The following UBA5 variants were observed in gnomAD, a reference collection of about 807,000 sequenced individuals.
UBA5 encodes the protein ubiquitin-like modifier-activating enzyme 5.
A neutral mutation model predicts 52.9 loss-of-function variants in UBA5; 28 were observed. The observed-to-expected ratio is 0.53, with a 90% CI of 0.39 to 0.73. UBA5 has a LOEUF of 0.73. Among genes scored for constraint, UBA5 ranks in the 30% least tolerant of loss-of-function variants. The pLI is 0.00. For synonymous variants in UBA5, 135 were observed against 162.1 expected, an observed-to-expected ratio of 0.83 and a Z score of 1.27; for missense variants, 388 against 492.7, an observed-to-expected ratio of 0.79 and a Z score of 2.01.
At chr3:132,655,984 A>G (rs1937771157), upstream of UBA5, among the ~76,000 whole-genome samples, 1 of 152,234 alleles carries the variant, frequency 6.6e-6, no homozygotes, top group Non-Finnish European at 1.5e-5. Context: ...GTAATGCCAC[A>G]AACACCATTT....
At chr3:132,665,720 T>C (rs1938348932) in intron 1 of UBA5, 103 bp from the exon 2 acceptor site, 4 of 1,142,844 alleles carry the variant, frequency 3.5e-6, no homozygotes, top group Non-Finnish European at 5.1e-6. Flanking sequence ...CGATTAGTAA[T>C]GATTATATTT....
At chr3:132,665,519 A>C (rs1049288969) in intron 1 of UBA5, among the ~76,000 whole-genome samples, 4 of 152,116 alleles carry the variant, frequency 2.6e-5, no homozygotes, top group African/African-American at 9.6e-5. Flanking sequence ...AGCATAGAAA[A>C]ATGTTGAAAT....
chr3:132,661,046 A>G, intron 1 of UBA5: 1 of 1,353,200 alleles, frequency 7.4e-7, no homozygotes, highest in Non-Finnish European at 9.7e-7. Context: ...TAAACCTGCT[A>G]AGGTAAACTT....
upstream of UBA5, chr3:132,659,620 C>G: frequency 6.2e-7 from 1 of 1,610,088 alleles, no homozygotes; most frequent in Non-Finnish European, 8.5e-7. Flanking sequence ...GGGCAATGGT[C>G]AGCGTAGCCT....
At chr3:132,669,362 G>A (rs1938509066) in intron 4 of UBA5, among the ~76,000 whole-genome samples, 1 of 152,052 alleles carries the variant, frequency 6.6e-6, no homozygotes, top group Non-Finnish European at 1.5e-5. Context: ...CGCCTCCCGG[G>A]CTCAAGCTAT....
chr3:132,676,480 C>T lies in UBA5; in HGVS notation c.1169C>T (p.Ser390Phe), dbSNP rs747510113. 1.2e-6 allele frequency: 2 copies of T among 1,611,040 alleles called. No individual in the cohort carries two copies. The highest frequency in any genetic ancestry group is 8.5e-7 in the Non-Finnish European group (1 of 1,178,902). Residue 390 changes from serine to phenylalanine, a missense_variant, in exon 12 of 12, where the codon TCT (serine) becomes TTT (phenylalanine). Ser to Phe is a radical substitution (Grantham distance 155, BLOSUM62 -2). Coordinates refer to ENST00000356232, the MANE Select transcript of UBA5 (RefSeq NM_024818.6). The surrounding 1 kb of genome is among the most constrained non-coding windows in gnomAD (Gnocchi z 4.1). The part of the protein sequence containing the change: ...DSVTELTVED[S>F]GESLEDLMAK... Reference sequence around the variant, plus strand: ...GTCACTGAGTTAACAGTGGAAGATTCTGGTGAAAGCTTGGAAGACCTCATG... The same window carrying T: ...GTCACTGAGTTAACAGTGGAAGATTTTGGTGAAAGCTTGGAAGACCTCATG...
Position 132,675,372 on chromosome 3 carries a change from G to C in UBA5, c.937G>C (p.Glu313Gln). ...CDDRNCRKQQ[E>Q]EYKKKVAALP... is the part of the protein sequence containing the mutation. ...TGACAGAAATTGCAGGAAGCAGCAGGAGGAATATAAGGTATATGACAATCT... is the reference window on the plus strand; with the variant it reads ...TGACAGAAATTGCAGGAAGCAGCAGCAGGAATATAAGGTATATGACAATCT... Residue 313 changes from glutamate (E) to glutamine (Q), a missense_variant, in exon 9 of 12, where the codon GAG (glutamate) becomes CAG (glutamine). Glu to Gln is a conservative substitution (Grantham distance 29). This residue lies in a region of UBA5 where 277 missense variants were observed against 326.4 expected (regional missense o/e 0.85). Coordinates refer to ENST00000356232, the MANE Select transcript of UBA5 (RefSeq NM_024818.6). 6.2e-7 allele frequency: 1 copy of C among 1,613,554 alleles called. No homozygotes were observed. Among genetic ancestry groups the C allele is most frequent in the Non-Finnish European group, 8.5e-7 (1 of 1,179,734 alleles).
chr3:132,666,106 G>GA (rs781676124), intron 3 of UBA5, 33 bp downstream of exon 3: 2 of 1,579,774 alleles, frequency 1.3e-6, no homozygotes, highest in Non-Finnish European at 1.7e-6. Context: ...GTCATATAGG[G>GA]AACTACTCAC....
At chr3:132,660,078 AC>A, upstream of UBA5, 1 of 346,380 alleles carries the variant, frequency 2.9e-6, no homozygotes, top group South Asian at 6.1e-5. This position sits in a 1 kb window ranked among gnomAD's most constrained non-coding sequence, Gnocchi z 4.1. Flanking sequence ...AGCCTCTTCC[AC>A]CCCCAAATTT....
chr3:132,667,683 C>T (rs1329356975), intron 3 of UBA5: 1 of 152,118 alleles, frequency 6.6e-6, no homozygotes, highest in Non-Finnish European at 1.5e-5. Context: ...GATCTATATT[C>T]GCTGCTTTAT....
chr3:132,670,989 A>G lies in UBA5; in HGVS notation c.519A>G (p.Lys173=), dbSNP rs774402385. ...GTAATGGTGGGTTAGAAGAAGGAAAACCTGTTGATCTAGTTCTTAGCTGTG... is the reference window on the plus strand; with the variant it reads ...GTAATGGTGGGTTAGAAGAAGGAAAGCCTGTTGATCTAGTTCTTAGCTGTG... The part of the protein sequence containing the change: ...RISNGGLEEG[K]PVDLVLSCVD... Residue 173 remains lysine (K), a synonymous_variant, in exon 6 of 12, where the codon AAA becomes AAG. Transcript: ENST00000356232. The G allele has an allele frequency of 4.3e-6, 7 of 1,613,330 alleles. No individual in the cohort carries two copies. The Middle Eastern group carries it at 1.2e-3, about 266-fold the overall frequency.
At chr3:132,658,598 G>C (rs1303107249), upstream of UBA5, among the ~76,000 whole-genome samples, 26 of 152,168 alleles carry the variant, frequency 1.7e-4, no homozygotes, top group Admixed American at 1.7e-3. Context: ...ACAACACAAG[G>C]CTTCTAGCCT....
At chr3:132,671,158 T>C (rs958480693) in intron 6 of UBA5, 109 bp downstream of exon 6, 3 of 897,286 alleles carry the variant, frequency 3.3e-6, no homozygotes, top group Middle Eastern at 2.9e-4. Context: ...TAAACCCTTT[T>C]CTGTGTTTTA....
chr3:132,671,953 T>TCC, intron 7 of UBA5, 72 bp downstream of exon 7: 4 of 1,598,692 alleles, frequency 2.5e-6, no homozygotes, highest in Non-Finnish European at 3.4e-6. Context: ...GAAAATGTAT[T>TCC]ACAATTCAAA....
intron 1 of UBA5, 117 bp from the exon 2 acceptor site, chr3:132,665,706 G>A: frequency 9.7e-7 from 1 of 1,027,828 alleles, no homozygotes; most frequent in Non-Finnish European, 1.4e-6. Flanking sequence ...CCTCCTCTTT[G>A]AAACGATTAG....
chr3:132,678,768 G>T lies in UBA5; in HGVS notation c.*2242G>T, dbSNP rs895458784. On this transcript the variant is annotated 3_prime_UTR_variant, in exon 12 of 12. Coordinates refer to ENST00000356232, the MANE Select transcript of UBA5 (RefSeq NM_024818.6). ...AGGTTCAAGCGATTCTCCTGCCTCA[G>T]CCTCCCAAGTAGCTGGGATTACAGG... Among the ~76,000 whole-genome samples the T allele has an allele frequency of 4.6e-5, 7 of 151,884 alleles. No individual in the cohort carries two copies. Among genetic ancestry groups the T allele is most frequent in the African/African-American group, 1.7e-4 (7 of 41,368 alleles).
At chr3:132,659,622 G>T (rs1407420538), upstream of UBA5, 1 of 1,610,228 alleles carries the variant, frequency 6.2e-7, no homozygotes, top group African/African-American at 1.3e-5. Flanking sequence ...GCAATGGTCA[G>T]CGTAGCCTCA....
chr3:132,659,715 C>A (rs151048899), upstream of UBA5: 751 of 1,608,918 alleles, frequency 4.7e-4, 2 homozygotes, highest in African/African-American at 8.9e-3. Flanking sequence ...GGCAGCACTT[C>A]GGCCAAATCG....
intron 3 of UBA5, chr3:132,667,831 G>A (rs922447610): frequency 1.3e-5 from 2 of 152,110 alleles, no homozygotes; most frequent in African/African-American, 4.8e-5. Flanking sequence ...CAAGCTATGA[G>A]GCAGAAACTC....
Sources: gnomAD v4.1 joint callset for allele counts (sites outside exome capture counted in the v4.1 genomes callset) on GRCh38, gnomAD v4.1.1 for gene constraint, gnomAD v4.1.1 regional missense constraint, Gnocchi (gnomAD v3.1) non-coding constraint, MANE v1.5 for transcripts, NCBI Gene and HGNC (gene_info 2026-07-23, HGNC 2026-07-21) for gene names.